SYNE1: variants seen among roughly 807,000 people sequenced by gnomAD.
SYNE1 encodes the protein nesprin-1.
SYNE1 carries 616 observed loss-of-function variants against 1,111.0 expected under a neutral mutation model. That is an observed-to-expected ratio of 0.55 (90% CI 0.52 to 0.59). The LOEUF is 0.59. SYNE1 is among the 20% of genes least tolerant of loss of function. The probability of loss-of-function intolerance (pLI) is 0.00; values close to 1 mark genes in which losing one functional copy is unlikely to be tolerated. For synonymous variants in SYNE1, 3,855 were observed against 3,825.8 expected, an observed-to-expected ratio of 1.01 and a Z score of -0.28; for missense variants, 10,006 against 10,417.0, an observed-to-expected ratio of 0.96 and a Z score of 1.72.
intron 77 of SYNE1, among the ~76,000 whole-genome samples, chr6:152,332,228 C>G (rs907718581): frequency 3.3e-5 from 5 of 152,204 alleles, no homozygotes; most frequent in Admixed American, 3.3e-4. Context: ...CCTGCCTCAG[C>G]CTCCCAAAGT....
At chr6:152,351,892 T>C (rs2096747468) in intron 70 of SYNE1, 135 bp downstream of exon 70, 2 of 778,176 alleles carry the variant, frequency 2.6e-6, no homozygotes, top group East Asian at 5.3e-5. Flanking sequence ...ATGGCATCAC[T>C]GGTCAGCTGC....
chr6:152,485,345 A>T (rs1389636793), intron 12 of SYNE1, among the ~76,000 whole-genome samples: 3 of 152,230 alleles, frequency 2.0e-5, no homozygotes, highest in Admixed American at 6.5e-5. Flanking sequence ...AAATCATAGT[A>T]AACAGGAGTA....
At position 152,416,755 on chromosome 6, in the gene SYNE1, G is replaced by C. The variant is rs1285837778; in HGVS notation, c.5682C>G (p.Thr1894=). 1 of 1,614,076 alleles carries C rather than the reference G, an allele frequency of 6.2e-7. No individual in the cohort carries two copies. Among genetic ancestry groups the C allele is most frequent in the East Asian group, 2.2e-5 (1 of 44,898 alleles). ...LRQLRQTVEA[T]NSMNKNESDL... is the part of the protein sequence containing the mutation. ...CAGACTCGTTCTTATTCATACTGTT[G>C]GTTGCTTCCACTGTTTGCCTCAGCT... Residue 1894 remains threonine, a synonymous_variant, in exon 41 of 146, where the codon ACC becomes ACG. Coordinates refer to ENST00000367255, the MANE Select transcript of SYNE1 (RefSeq NM_182961.4).
chr6:152,551,188 C>T (rs942755378), intron 3 of SYNE1, among the ~76,000 whole-genome samples: 2 of 152,112 alleles, frequency 1.3e-5, no homozygotes, highest in Non-Finnish European at 2.9e-5. Context: ...AGCACTTGAA[C>T]TTATTCATGT....
At chr6:152,574,455 A>C (rs2099488339) in intron 3 of SYNE1, among the ~76,000 whole-genome samples, 1 of 152,028 alleles carries the variant, frequency 6.6e-6, no homozygotes. Flanking sequence ...AATTGCTGTA[A>C]TTGAACAACA....
chr6:152,328,732 A>G (rs906165234), intron 78 of SYNE1, among the ~76,000 whole-genome samples: 3 of 152,104 alleles, frequency 2.0e-5, no homozygotes, highest in Non-Finnish European at 4.4e-5. Context: ...TTTTGAATGC[A>G]CAGAACTTGC....
rs1439765269 is a variant in SYNE1, at chr6:152,368,992, C to T, written c.9787G>A (p.Ala3263Thr). The change falls in exon 61 of 146, where the codon GCG becomes ACG. Residue 3263 changes from alanine to threonine, a missense_variant. Coordinates refer to ENST00000367255, the MANE Select transcript of SYNE1 (RefSeq NM_182961.4). The part of the protein sequence containing the change: ...RVSQLSSQYL[A>T]LSNLTKEKVS... Reference sequence around the variant, plus strand: ...GTTACCTTTGTTAAATTGCTTAGCGCTAGATACTGAGAAGACAGCTGCGAC... The same window carrying T: ...GTTACCTTTGTTAAATTGCTTAGCGTTAGATACTGAGAAGACAGCTGCGAC... The T allele has an allele frequency of 1.2e-6, 2 of 1,614,190 alleles. No homozygotes were observed. The highest frequency in any genetic ancestry group is 1.7e-5 in the Admixed American group (1 of 60,028).
chr6:152,139,568 C>CAAAA (rs774081107), intron 140 of SYNE1, among the ~76,000 whole-genome samples: 1 of 44,002 alleles, frequency 2.3e-5, no homozygotes, highest in South Asian at 8.3e-4. Context: ...GAGACTCCAT[C>CAAAA]AAAAAAAAAA....
At position 152,141,253 on chromosome 6, in the gene SYNE1, T is replaced by G. The variant is rs749621335; in HGVS notation, c.25196A>C (p.Glu8399Ala). ...RLEHKLKEEE[E>A]SLPGFVNLHS... ...CAGGTTAACAAAGCCAGGAAGGCTCTCCTCTTCCTCCTTCAGTTTGTGCTC... is the reference window on the plus strand; with the variant it reads ...CAGGTTAACAAAGCCAGGAAGGCTCGCCTCTTCCTCCTTCAGTTTGTGCTC... The change falls in exon 139 of 146, where the codon GAG becomes GCG. Residue 8399 changes from glutamate to alanine, a missense_variant. Glu to Ala is a moderately radical substitution (Grantham distance 107, BLOSUM62 -1). This residue lies in a region of SYNE1 where 761 missense variants were observed against 795.5 expected (regional missense o/e 0.96). Coordinates refer to ENST00000367255, the MANE Select transcript of SYNE1 (RefSeq NM_182961.4). The G allele has an allele frequency of 6.2e-7, 1 of 1,614,170 alleles. No homozygotes were observed. The highest frequency in any genetic ancestry group is 8.5e-7 in the Non-Finnish European group (1 of 1,180,020).
At chr6:152,436,503 G>A (rs1276287137) in intron 32 of SYNE1, among the ~76,000 whole-genome samples, 1 of 151,952 alleles carries the variant, frequency 6.6e-6, no homozygotes, top group Non-Finnish European at 1.5e-5. Context: ...GTCTCACTAT[G>A]TTGCCCAAGC....
intron 28 of SYNE1, among the ~76,000 whole-genome samples, chr6:152,448,871 C>CAAACAA (rs1564098545): frequency 2.1e-5 from 3 of 139,962 alleles, no homozygotes; most frequent in African/African-American, 8.0e-5. Context: ...CAAACAAACA[C>CAAACAA]TCAAAGGACA....
At chr6:152,604,952 GAAAGA>G (rs2099607670) in intron 3 of SYNE1, among the ~76,000 whole-genome samples, 1 of 14,808 alleles carries the variant, frequency 6.8e-5, no homozygotes, top group Admixed American at 9.5e-4. Flanking sequence ...CACAAAGAAA[GAAAGA>G]AAGAAAGAAA....
At position 152,208,133 on chromosome 6, in the gene SYNE1, G is replaced by A. The variant is rs755302191; in HGVS notation, c.22663C>T (p.Arg7555Trp). 1.9e-5 allele frequency: 30 copies of A among 1,613,884 alleles called. No homozygotes were observed. The highest frequency in any genetic ancestry group is 4.4e-5 in the South Asian group (4 of 91,074). The change falls in exon 125 of 146, where the codon CGG (arginine) becomes TGG (tryptophan). Residue 7555 changes from arginine to tryptophan, a missense_variant. By Grantham distance (101) the Arg-to-Trp change is moderately radical (BLOSUM62 -3). This residue lies in a region of SYNE1 where 2,182 missense variants were observed against 2,287.8 expected (regional missense o/e 0.95). Coordinates refer to ENST00000367255, the MANE Select transcript of SYNE1 (RefSeq NM_182961.4). ...CGAATCTGGCTGTCAATGATCCCCC[G>A]CCTCTGCTGGGCCCTGCGAATCACT... Reference protein sequence around the residue: ...QGVIRRAQQRRGIIDSQIRQW... With the variant: ...QGVIRRAQQRWGIIDSQIRQW...
At chr6:152,296,935 G>C (rs772472211) in intron 93 of SYNE1, among the ~76,000 whole-genome samples, 15 of 151,568 alleles carry the variant, frequency 9.9e-5, no homozygotes, top group Non-Finnish European at 1.9e-4. Flanking sequence ...CCAAGCATGA[G>C]ACTGTGTAAC....
chr6:152,621,269 G>T (rs574980250), intron 3 of SYNE1, among the ~76,000 whole-genome samples: 57 of 152,250 alleles, frequency 3.7e-4, no homozygotes, highest in African/African-American at 1.3e-3. Context: ...CAAAGAAGTT[G>T]GGACTTTAAC....
intron 128 of SYNE1, among the ~76,000 whole-genome samples, chr6:152,181,078 A>G (rs1238475777): frequency 1.4e-5 from 1 of 69,314 alleles, no homozygotes; most frequent in Non-Finnish European, 2.7e-5. Flanking sequence ...TATTTTTATC[A>G]TTCCAAAAAA....
Position 152,151,592 on chromosome 6 carries a change from A to G in SYNE1, c.24411T>C (p.Phe8137=). ...MDLQLTNIEH[F]SECDVQAKIK... is the part of the protein sequence containing the mutation. ...TTTTAGCTTGAACATCACACTCAGA[A>G]AAATGTTCAATATTAGTGAGCTGCA... Residue 8137 remains phenylalanine (F), a synonymous_variant, in exon 135 of 146, where the codon TTT becomes TTC. Transcript: ENST00000367255. 1 of 1,614,178 alleles carries G rather than the reference A, an allele frequency of 6.2e-7. No individual in the cohort carries two copies. Among genetic ancestry groups the G allele is most frequent in the South Asian group, 1.1e-5 (1 of 91,066 alleles).
At chr6:152,598,833 A>G (rs903146089) in intron 3 of SYNE1, among the ~76,000 whole-genome samples, 3 of 152,238 alleles carry the variant, frequency 2.0e-5, no homozygotes, top group Admixed American at 2.0e-4. Flanking sequence ...CAAGAAGAGT[A>G]TTTTATGATA....
In SYNE1 at chr6:152,385,652, T is replaced by C. The variant is rs2097515463; in HGVS notation, c.8652+22A>G. 3.7e-6 allele frequency: 6 copies of C among 1,613,298 alleles called. 1 individual carries two copies. Among genetic ancestry groups the C allele is most frequent in the South Asian group, 3.3e-5 (3 of 91,066 alleles). Reference sequence around the variant, plus strand: ...AAGAAGGAATGAAGCAATGTAGATATAGCATCTGTTCATTTCCTGACCTTA... The same window carrying C: ...AAGAAGGAATGAAGCAATGTAGATACAGCATCTGTTCATTTCCTGACCTTA... On this transcript the variant is annotated intron_variant, in intron 55 of 145. Transcript: ENST00000367255.
Sources: allele counts gnomAD v4.1 joint callset (sites outside exome capture counted in the v4.1 genomes callset), GRCh38; gene constraint gnomAD v4.1.1; regional missense constraint gnomAD v4.1.1; transcripts MANE v1.5; gene names NCBI Gene and HGNC (gene_info 2026-07-23, HGNC 2026-07-21).